The following MBTD1 variants were observed in gnomAD, a reference collection of about 807,000 sequenced individuals.
MBTD1 encodes the protein MBT domain-containing protein 1.
In MBTD1, 24 loss-of-function variants were observed where a neutral mutation model predicts 87.8. That is an observed-to-expected ratio of 0.27 (90% confidence interval 0.20 to 0.38). The LOEUF is 0.38. MBTD1 is among the 10% of genes least tolerant of loss of function. MBTD1 has a pLI of 1.00. For missense variants in MBTD1, 436 were observed against 760.2 expected (o/e 0.57, Z 5.02); for synonymous variants, 237 against 248.6 (o/e 0.95, Z 0.44).
At chr17:51,214,129 C>CACATAT (rs1026640175) in intron 6 of MBTD1, among the ~76,000 whole-genome samples, 6 of 113,594 alleles carry the variant, frequency 5.3e-5, no homozygotes, top group African/African-American at 1.8e-4. Flanking sequence ...TATATATATA[C>CACATAT]ACATACACAT....
rs1037978572 is a variant in MBTD1, at chr17:51,260,037, T to G, written c.-315A>C. 4.7e-6 allele frequency: 2 copies of G among 421,358 alleles called. No individual in the cohort carries two copies. Among genetic ancestry groups the G allele is most frequent in the African/African-American group, 4.1e-5 (2 of 48,916 alleles). The allele number at this position is 421,358 out of a possible 1,614,324, so 26.1% of individuals were successfully genotyped here. A position where few individuals can be genotyped will look rare whatever the true frequency, so the allele number is the denominator to read the frequency against. ...CCCTTTAACTCGGGTGGCCCCAGGA[T>G]ATCAACAACATTAGCATAGCCCTCC... On this transcript the variant is annotated 5_prime_UTR_variant, in exon 1 of 17. Coordinates refer to ENST00000586178, the MANE Select transcript of MBTD1 (RefSeq NM_017643.3).
chr17:51,194,327 T>C (rs2145100193), intron 13 of MBTD1, among the ~76,000 whole-genome samples: 1 of 152,220 alleles, frequency 6.6e-6, no homozygotes, highest in Admixed American at 6.5e-5. Flanking sequence ...CCCAGCATGC[T>C]GGGAGGCCAA....
At chr17:51,260,118 A>G (rs1332149015), upstream of MBTD1, 1 of 366,086 alleles carries the variant, frequency 2.7e-6, no homozygotes, top group South Asian at 1.1e-4. Context: ...TTCCCTACAT[A>G]CCCTCCTCTC....
At chr17:51,209,493 C>T in intron 6 of MBTD1, 2 of 470,852 alleles carry the variant, frequency 4.2e-6, no homozygotes. Context: ...TGAGGGGTCC[C>T]CAACACAAAT....
chr17:51,249,002 G>A (rs893947955), intron 2 of MBTD1, among the ~76,000 whole-genome samples: 1 of 151,966 alleles, frequency 6.6e-6, no homozygotes, highest in Non-Finnish European at 1.5e-5. Flanking sequence ...TATAATCCCA[G>A]CACTATGGGA....
intron 6 of MBTD1, among the ~76,000 whole-genome samples, chr17:51,208,538 C>T (rs2051988919): frequency 6.6e-6 from 1 of 152,150 alleles, no homozygotes; most frequent in Non-Finnish European, 1.5e-5. Flanking sequence ...ATAGAATAAA[C>T]TAACATATAT....
At chr17:51,218,882 A>AT (rs1412141604) in intron 5 of MBTD1, 48 bp downstream of exon 5, 2 of 1,086,386 alleles carry the variant, frequency 1.8e-6, no homozygotes, top group South Asian at 2.7e-5. Context: ...TTAAAACTAA[A>AT]TGAATCAATG....
chr17:51,218,360 C>T lies in MBTD1; in HGVS notation c.403+570G>A, dbSNP rs139346019. 2.4e-3 allele frequency among the ~76,000 whole-genome samples: 370 copies of T among 152,046 alleles called. 3 individuals are homozygous for T. Among genetic ancestry groups the T allele is most frequent in the Non-Finnish European group, 3.9e-3 (263 of 67,988 alleles). On this transcript the variant is annotated intron_variant, in intron 5 of 16. Transcript: ENST00000586178. ...CCTGGCCAACATGGTGAAACCCTAT[C>T]TCTACTAAAAATACAAAAATAAGCC...
At chr17:51,203,332 C>T (rs16949683) in intron 8 of MBTD1, 104 bp from the exon 9 acceptor site, 36,057 of 640,156 alleles carry the variant, frequency 0.056, 2,386 homozygotes, top group African/African-American at 0.26. Flanking sequence ...AGGCTATTAA[C>T]ATTCTGAAAA....
At chr17:51,193,165 A>G in intron 14 of MBTD1, 149 bp from the exon 15 acceptor site, 4 of 635,962 alleles carry the variant, frequency 6.3e-6, no homozygotes, top group Non-Finnish European at 1.1e-5. Flanking sequence ...CTATTTAAAC[A>G]TAGTACGAAG....
At chr17:51,239,849 A>C (rs1301341772) in intron 2 of MBTD1, among the ~76,000 whole-genome samples, 3 of 152,148 alleles carry the variant, frequency 2.0e-5, no homozygotes, top group African/African-American at 7.2e-5. Context: ...TCTCTTACAT[A>C]ATCATAGGTC....
chr17:51,236,863 T>C (rs562972489), intron 2 of MBTD1, among the ~76,000 whole-genome samples: 3 of 152,222 alleles, frequency 2.0e-5, no homozygotes, highest in East Asian at 1.9e-4. Context: ...TCACATCATA[T>C]ATAAAAATCA....
chr17:51,190,743 AAAAAAAAATAT>A (rs1234832996), intron 16 of MBTD1, among the ~76,000 whole-genome samples: 6 of 125,162 alleles, frequency 4.8e-5, no homozygotes, highest in African/African-American at 1.4e-4. Flanking sequence ...AAAAAAAAAA[AAAAAAAAATAT>A]ATATATATAT....
intron 16 of MBTD1, among the ~76,000 whole-genome samples, chr17:51,187,646 T>G (rs2050600464): frequency 6.6e-6 from 1 of 151,948 alleles, no homozygotes; most frequent in Non-Finnish European, 1.5e-5. Context: ...GGTCAGGAGT[T>G]CAAGACCAGC....
chr17:51,260,540 A>G (rs754764117), upstream of MBTD1: 13 of 1,572,036 alleles, frequency 8.3e-6, no homozygotes, highest in Admixed American at 3.8e-5. Flanking sequence ...GCGCATGCGC[A>G]GCGAGGTTCC....
chr17:51,247,503 G>C (rs1355296457), intron 2 of MBTD1, among the ~76,000 whole-genome samples: 1 of 147,450 alleles, frequency 6.8e-6, no homozygotes, highest in Non-Finnish European at 1.5e-5. Flanking sequence ...CTGGAGTGCA[G>C]CAGCACGATC....
intron 12 of MBTD1, 88 bp downstream of exon 12, chr17:51,201,504 C>A: frequency 1.3e-6 from 1 of 765,594 alleles, no homozygotes; most frequent in South Asian, 1.8e-5. Context: ...CATTTTATGT[C>A]AAAACGAATA....
At chr17:51,204,188 C>T (rs1052684000) in intron 7 of MBTD1, among the ~76,000 whole-genome samples, 2 of 152,144 alleles carry the variant, frequency 1.3e-5, no homozygotes, top group Non-Finnish European at 2.9e-5. Context: ...ACCATCTGTT[C>T]AGTGCAAACA....
Position 51,259,906 on chromosome 17 carries a change from C to G in MBTD1, c.-184G>C. The G allele has an allele frequency of 8.1e-7, 1 of 1,231,394 alleles. No individual in the cohort carries two copies. The highest frequency in any genetic ancestry group is 1.0e-6 in the Non-Finnish European group (1 of 987,368). 76.3% of individuals were successfully genotyped at this position (1,231,394 alleles called of 1,614,324 possible). ...CGTGCTCCCCGAGCCCGCGGCGCCCCCTCCCCGGGCTGGGGGCAGGTGCCT... is the reference window on the plus strand; with the variant it reads ...CGTGCTCCCCGAGCCCGCGGCGCCCGCTCCCCGGGCTGGGGGCAGGTGCCT... On this transcript the variant is annotated 5_prime_UTR_variant, in exon 1 of 17. Coordinates refer to ENST00000586178, the MANE Select transcript of MBTD1 (RefSeq NM_017643.3).
Sources: gnomAD v4.1 joint callset for allele counts (sites outside exome capture counted in the v4.1 genomes callset) on GRCh38, gnomAD v4.1.1 for gene constraint, MANE v1.5 for transcripts, NCBI Gene and HGNC (gene_info 2026-07-23, HGNC 2026-07-21) for gene names.